GPATCH8: variants seen among roughly 807,000 people sequenced by gnomAD.
GPATCH8 encodes G-patch domain containing 8.
Under a neutral mutation model 118.3 loss-of-function variants are expected in GPATCH8, and 18 were observed. The observed-to-expected ratio is 0.15, with a 90% CI of 0.11 to 0.23. The LOEUF (loss-of-function observed/expected upper bound fraction) is 0.23, where lower values mean the gene tolerates loss of function less well. Among genes scored for constraint, GPATCH8 ranks in the 10% least tolerant of loss-of-function variants. The probability of loss-of-function intolerance (pLI) is 1.00; values close to 1 mark genes in which losing one functional copy is unlikely to be tolerated. For missense variants in GPATCH8, 1,631 were observed against 1,873.8 expected, an observed-to-expected ratio of 0.87 and a Z score of 2.39; for synonymous variants, 659 against 684.7, an observed-to-expected ratio of 0.96 and a Z score of 0.59.
In GPATCH8 at chr17:44,396,604, T is replaced by C. The variant is rs187337402; in HGVS notation, c.*964A>G. The C allele has an allele frequency of 1.6e-3, 707 of 441,674 alleles. 7 individuals are homozygous for C. The highest frequency in any genetic ancestry group is 0.013 in the African/African-American group (632 of 48,990). 27.4% of individuals were successfully genotyped at this position (441,674 alleles called of 1,614,324 possible). A position where few individuals can be genotyped will look rare whatever the true frequency, so the allele number is the denominator to read the frequency against. ...TGTTTTCATTTTATAACCTTTAGAG[T>C]TTCTTAATTCAACTAGGGCAAACAT... On this transcript the variant is annotated 3_prime_UTR_variant, in exon 8 of 8. Transcript: ENST00000591680.
chr17:44,460,773 C>T (rs983121424), intron 3 of GPATCH8, among the ~76,000 whole-genome samples: 1 of 152,198 alleles, frequency 6.6e-6, no homozygotes, highest in Non-Finnish European at 1.5e-5. Flanking sequence ...ACTGTTTACA[C>T]TAGAGTGACA....
At chr17:44,414,087 GTA>G (rs71136012) in intron 6 of GPATCH8, among the ~76,000 whole-genome samples, 133 of 128,478 alleles carry the variant, frequency 1.0e-3, no homozygotes, top group East Asian at 6.6e-3. Flanking sequence ...ATATGTGTGT[GTA>G]TATATATATA....
intron 1 of GPATCH8, chr17:44,486,029 G>C (rs1968751051): frequency 6.6e-6 from 1 of 152,090 alleles, no homozygotes; most frequent in Non-Finnish European, 1.5e-5. Flanking sequence ...CAGGTAACTG[G>C]GACTACAGGC....
chr17:44,476,898 A>G (rs1967823721), intron 1 of GPATCH8, among the ~76,000 whole-genome samples: 1 of 152,254 alleles, frequency 6.6e-6, no homozygotes, highest in Non-Finnish European at 1.5e-5. Flanking sequence ...TTGCTTCATC[A>G]GGAAGGAATA....
chr17:44,500,575 A>C (rs1489182183), intron 1 of GPATCH8, among the ~76,000 whole-genome samples: 1 of 152,240 alleles, frequency 6.6e-6, no homozygotes, highest in African/African-American at 2.4e-5. Flanking sequence ...TAATAATTTC[A>C]AGAGACATCA....
At chr17:44,450,547 A>C (rs1406532864) in intron 3 of GPATCH8, among the ~76,000 whole-genome samples, 1 of 151,570 alleles carries the variant, frequency 6.6e-6, no homozygotes, top group Admixed American at 6.6e-5. Context: ...TTAGTGAGAA[A>C]GGAAATACTG....
In GPATCH8 at chr17:44,400,198, C is replaced by T. The variant is rs534408670; in HGVS notation, c.1879G>A (p.Gly627Arg). The change falls in exon 8 of 8, where the codon GGA becomes AGA. Residue 627 changes from glycine to arginine, a missense_variant. Physicochemically the swap from Gly to Arg is moderately radical, Grantham distance 125 (BLOSUM62 -2). Coordinates refer to ENST00000591680, the MANE Select transcript of GPATCH8 (RefSeq NM_001002909.4). ...VGGEKIVRSS[G>R]GRMDAPASGS... ...GAAGCAGGTGCGTCCATTCTGCCTC[C>T]TGAGGAACGTACTATTTTCTCTCCG... 5.6e-5 allele frequency: 91 copies of T among 1,614,148 alleles called. 1 individual carries two copies. In the South Asian group the frequency reaches 8.8e-4, roughly 16 times the overall value.
intron 1 of GPATCH8, among the ~76,000 whole-genome samples, chr17:44,501,917 C>T (rs1034873038): frequency 5.9e-4 from 90 of 152,092 alleles, no homozygotes; most frequent in African/African-American, 2.0e-3. Context: ...ATAGTGCTTG[C>T]TAATATATAT....
chr17:44,497,149 C>T (rs758790673), intron 1 of GPATCH8, among the ~76,000 whole-genome samples: 2 of 152,180 alleles, frequency 1.3e-5, no homozygotes, highest in African/African-American at 4.8e-5. Flanking sequence ...TAATAGAACT[C>T]ACGAACTGGA....
intron 1 of GPATCH8, among the ~76,000 whole-genome samples, chr17:44,478,976 T>C (rs1967999352): frequency 6.6e-6 from 1 of 152,154 alleles, no homozygotes; most frequent in Non-Finnish European, 1.5e-5. Flanking sequence ...CTCTAAAAGT[T>C]CTGGGATTAC....
chr17:44,406,764 T>G (rs1170001230), intron 6 of GPATCH8, among the ~76,000 whole-genome samples: 2 of 152,060 alleles, frequency 1.3e-5, no homozygotes, highest in Admixed American at 6.6e-5. Flanking sequence ...AGAGCAGAGA[T>G]AAGTCAAAGA....
At chr17:44,488,541 T>G (rs1039972803) in intron 1 of GPATCH8, among the ~76,000 whole-genome samples, 1 of 151,058 alleles carries the variant, frequency 6.6e-6, no homozygotes, top group South Asian at 2.1e-4. Context: ...AGCTAACTTT[T>G]TGTATTTTTA....
At chr17:44,462,192 C>T (rs1020291944) in intron 3 of GPATCH8, among the ~76,000 whole-genome samples, 1 of 152,152 alleles carries the variant, frequency 6.6e-6, no homozygotes, top group Non-Finnish European at 1.5e-5. Context: ...ATTTGCTAGC[C>T]ACTATGAACC....
At chr17:44,459,127 G>C (rs1195373409) in intron 3 of GPATCH8, among the ~76,000 whole-genome samples, 1 of 152,126 alleles carries the variant, frequency 6.6e-6, no homozygotes, top group Non-Finnish European at 1.5e-5. Context: ...GATGACTAGT[G>C]AGCTCAGAAT....
chr17:44,492,789 C>A (rs1261533068), intron 1 of GPATCH8, among the ~76,000 whole-genome samples: 1 of 152,118 alleles, frequency 6.6e-6, no homozygotes, highest in African/African-American at 2.4e-5. Context: ...GCTTGTAGAA[C>A]CCTAACTTGA....
At chr17:44,490,159 AT>A (rs1332330227) in intron 1 of GPATCH8, among the ~76,000 whole-genome samples, 7 of 151,816 alleles carry the variant, frequency 4.6e-5, no homozygotes, top group Admixed American at 1.3e-4. Flanking sequence ...TTTTGTAAAA[AT>A]TTTTTTTAAT....
chr17:44,455,677 G>A (rs558150715), intron 3 of GPATCH8, among the ~76,000 whole-genome samples: 5 of 152,098 alleles, frequency 3.3e-5, no homozygotes, highest in Non-Finnish European at 7.4e-5. Flanking sequence ...AAGATAGAAA[G>A]ACAACTTAGC....
rs1168888569 is a variant in GPATCH8, at chr17:44,399,575, G to A, written c.2502C>T (p.Ser834=). Residue 834 remains serine, a synonymous_variant, in exon 8 of 8, where the codon TCC becomes TCT. Coordinates refer to ENST00000591680, the MANE Select transcript of GPATCH8 (RefSeq NM_001002909.4). ...SSHRLHQKSP[S]QYSEEEEEED... is the part of the protein sequence containing the mutation. Reference sequence around the variant, plus strand: ...CCTCTTCTTCTTCCTCACTGTACTGGGATGGAGACTTCTGGTGCAGCCGGT... The same window carrying A: ...CCTCTTCTTCTTCCTCACTGTACTGAGATGGAGACTTCTGGTGCAGCCGGT... 1 of 1,614,044 alleles carries A rather than the reference G, an allele frequency of 6.2e-7. No homozygotes were observed. The highest frequency in any genetic ancestry group is 2.2e-5 in the East Asian group (1 of 44,898).
At chr17:44,416,034 ACT>A (rs1261279157) in intron 6 of GPATCH8, among the ~76,000 whole-genome samples, 2 of 152,090 alleles carry the variant, frequency 1.3e-5, no homozygotes, top group Non-Finnish European at 2.9e-5. Context: ...ACGGAGTCTC[ACT>A]CTGTTGCCCA....
Sources: allele counts gnomAD v4.1 joint callset (sites outside exome capture counted in the v4.1 genomes callset), GRCh38; gene constraint gnomAD v4.1.1; transcripts MANE v1.5; gene names NCBI Gene and HGNC (gene_info 2026-07-23, HGNC 2026-07-21).